CWC22: variants seen among roughly 807,000 people sequenced by gnomAD.
CWC22 encodes the protein pre-mRNA-splicing factor CWC22 homolog.
In CWC22, 53 loss-of-function variants were observed where a neutral mutation model predicts 117.2. That is an observed-to-expected ratio of 0.45 (90% CI 0.36 to 0.57). The LOEUF (loss-of-function observed/expected upper bound fraction) is 0.57, where lower values mean the gene tolerates loss of function less well. Among genes scored for constraint, CWC22 ranks in the 20% least tolerant of loss-of-function variants. The pLI is 0.00. For synonymous variants in CWC22, 360 were observed against 355.6 expected (o/e 1.01, Z -0.14); for missense variants, 980 against 1,068.8 (o/e 0.92, Z 1.16).
chr2:179,945,669 C>T lies in CWC22; in HGVS notation c.2187G>A (p.Glu729=). 6.2e-7 allele frequency: 1 copy of T among 1,608,764 alleles called. No homozygotes were observed. The highest frequency in any genetic ancestry group is 8.5e-7 in the Non-Finnish European group (1 of 1,179,066). The change falls in exon 20 of 20, where the codon GAG becomes GAA. Residue 729 remains glutamate (E), a synonymous_variant. Coordinates refer to ENST00000410053, the MANE Select transcript of CWC22 (RefSeq NM_020943.3). Reference sequence around the variant, plus strand: ...GCTGGTTTCTGATCAATTTATCTACCTCTTTACTTCTGGTCTTCCCATGTC... The same window carrying T: ...GCTGGTTTCTGATCAATTTATCTACTTCTTTACTTCTGGTCTTCCCATGTC... ...KKGHGKTRSK[E]VDKLIRNQQT...
intron 1 of CWC22, among the ~76,000 whole-genome samples, chr2:179,995,133 C>CA (rs1027279299): frequency 5.9e-5 from 9 of 151,986 alleles, no homozygotes; most frequent in African/African-American, 2.2e-4. Context: ...AACAAACAAA[C>CA]AAAAAAAGAT....
In CWC22 at chr2:179,966,067, T is replaced by C. The variant is rs1362865667; in HGVS notation, c.1211-85A>G. 22 of 1,073,224 alleles carry C rather than the reference T, an allele frequency of 2.0e-5. No homozygotes were observed. The Admixed American group carries it at 4.1e-4, about 20-fold the overall frequency. The allele number at this position is 1,073,224 out of a possible 1,614,324, so 66.5% of individuals were successfully genotyped here. A position where few individuals can be genotyped will look rare whatever the true frequency, so the allele number is the denominator to read the frequency against. On this transcript the variant is annotated intron_variant, in intron 11 of 19. Coordinates refer to ENST00000410053, the MANE Select transcript of CWC22 (RefSeq NM_020943.3). Reference sequence around the variant, plus strand: ...TCTAAGAAGATAAATTCTCAGTTCGTTGAAATCCACTGTGGTGTAACAGTT... The same window carrying C: ...TCTAAGAAGATAAATTCTCAGTTCGCTGAAATCCACTGTGGTGTAACAGTT...
chr2:179,963,123 G>A (rs1174021814), intron 13 of CWC22, among the ~76,000 whole-genome samples: 1 of 151,662 alleles, frequency 6.6e-6, no homozygotes, highest in Non-Finnish European at 1.5e-5. Flanking sequence ...TCAAGGTTAC[G>A]TTTCTTTTAA....
intron 11 of CWC22, among the ~76,000 whole-genome samples, chr2:179,968,657 TC>T (rs1686952966): frequency 6.6e-6 from 1 of 151,794 alleles, no homozygotes; most frequent in Non-Finnish European, 1.5e-5. Context: ...AACCTCCACC[TC>T]CCCAGTTCAA....
rs1304404124 is a variant in CWC22, at chr2:179,990,780, T to G, written c.28-2136A>C. Reference sequence around the variant, plus strand: ...AGGAAGAGACCAAAAATATTGAAGTTGTGAAGAAGGATTTCATAAATATGA... The same window carrying G: ...AGGAAGAGACCAAAAATATTGAAGTGGTGAAGAAGGATTTCATAAATATGA... On this transcript the variant is annotated intron_variant, in intron 2 of 19. Transcript: ENST00000410053. Among the ~76,000 whole-genome samples, 3 of 152,304 alleles carry G rather than the reference T, an allele frequency of 2.0e-5. No individual in the cohort carries two copies. In the South Asian group the frequency reaches 6.2e-4, roughly 32 times the overall value.
Position 179,964,556 on chromosome 2 carries a change from A to G in CWC22, c.1388T>C (p.Ile463Thr). 6.4e-7 allele frequency: 1 copy of G among 1,552,946 alleles called. No homozygotes were observed. Among genetic ancestry groups the G allele is most frequent in the Non-Finnish European group, 8.8e-7 (1 of 1,139,218 alleles). The part of the protein sequence containing the change: ...VSFRRTIYLA[I>T]QSSLDFEECA... ...AGATATGATGCCTTACCTTGACTGA[A>G]TAGCAAGATAAATTGTACGACGAAA... is the stretch of plus-strand genomic sequence containing the variant. The change falls in exon 13 of 20, where the codon ATT becomes ACT. Residue 463 changes from isoleucine to threonine, a missense_variant. By Grantham distance (89) the Ile-to-Thr change is moderately conservative. Coordinates refer to ENST00000410053, the MANE Select transcript of CWC22 (RefSeq NM_020943.3).
At chr2:179,959,887 G>A (rs58024677) in intron 13 of CWC22, among the ~76,000 whole-genome samples, 2,870 of 152,088 alleles carry the variant, frequency 0.019, 100 homozygotes, top group African/African-American at 0.065. Flanking sequence ...CATAGCATGT[G>A]AATAACATCT....
chr2:179,958,244 T>C (rs1028917122), intron 14 of CWC22, among the ~76,000 whole-genome samples: 3 of 150,042 alleles, frequency 2.0e-5, no homozygotes, highest in Admixed American at 6.7e-5. Context: ...GGCAGGAGAA[T>C]TGCTTGAACC....
At chr2:179,959,118 A>G in intron 13 of CWC22, 36 bp from the exon 14 acceptor site, 1 of 1,276,912 alleles carries the variant, frequency 7.8e-7, no homozygotes, top group Non-Finnish European at 1.1e-6. Flanking sequence ...AAAGCTTGCA[A>G]CATAGACTGT....
At chr2:180,001,295 TG>T (rs1156447416) in intron 1 of CWC22, among the ~76,000 whole-genome samples, 4 of 152,106 alleles carry the variant, frequency 2.6e-5, no homozygotes, top group African/African-American at 9.7e-5. Flanking sequence ...TTTTGTGATA[TG>T]TAAGTTCACA....
At chr2:179,973,103 A>C in intron 8 of CWC22, 90 bp downstream of exon 8, 1 of 691,196 alleles carries the variant, frequency 1.4e-6, no homozygotes, top group Non-Finnish European at 2.4e-6. Flanking sequence ...CTATAAAGCA[A>C]AGCAAAAATA....
rs751440645 is a variant in CWC22 at position 179,965,974 on chromosome 2, C to T, written c.1219G>A (p.Asp407Asn). ...KYKAIKKEIL[D>N]EGDTDSNTDQ... ...GTGTTCGAGTCAGTATCTCCCTCAT[C>T]AAGAATTTCTGTAAAGTACAAAGTA... The change falls in exon 12 of 20, where the codon GAT becomes AAT. Residue 407 changes from aspartate (D) to asparagine (N), a missense_variant. Around this residue, in one of 3 missense-constraint regions of CWC22, gnomAD observed 559 missense variants for 602.3 expected, o/e 0.93. Coordinates refer to ENST00000410053, the MANE Select transcript of CWC22 (RefSeq NM_020943.3). 3.1e-6 allele frequency: 5 copies of T among 1,609,320 alleles called. No homozygotes were observed. In the Admixed American group the frequency reaches 8.4e-5, roughly 27 times the overall value.
At chr2:179,978,784 C>T (rs1472432891) in intron 5 of CWC22, among the ~76,000 whole-genome samples, 1 of 151,864 alleles carries the variant, frequency 6.6e-6, no homozygotes, top group Non-Finnish European at 1.5e-5. Flanking sequence ...ATGACAGAGA[C>T]AACAAAATTA....
At chr2:179,957,548 A>G (rs1045910984) in intron 14 of CWC22, among the ~76,000 whole-genome samples, 5 of 152,182 alleles carry the variant, frequency 3.3e-5, no homozygotes, top group Non-Finnish European at 7.4e-5. Context: ...ATTCATAAAA[A>G]CAGGCAGCAG....
At chr2:179,987,460 C>CTG (rs146325376) in intron 3 of CWC22, among the ~76,000 whole-genome samples, 21 of 151,284 alleles carry the variant, frequency 1.4e-4, no homozygotes, top group Admixed American at 4.0e-4. Flanking sequence ...ACACAAATAC[C>CTG]TGTGTGTGTG....
intron 13 of CWC22, among the ~76,000 whole-genome samples, chr2:179,963,582 T>C (rs1315547260): frequency 6.6e-6 from 1 of 151,854 alleles, no homozygotes; most frequent in Admixed American, 6.6e-5. Context: ...GACCTCGTGA[T>C]CCGCCCGCCT....
At chr2:179,951,184 T>C (rs1446303344) in intron 17 of CWC22, among the ~76,000 whole-genome samples, 1 of 151,872 alleles carries the variant, frequency 6.6e-6, no homozygotes, top group Non-Finnish European at 1.5e-5. Context: ...CACACACACA[T>C]ATAGAAAGAT....
intron 4 of CWC22, among the ~76,000 whole-genome samples, chr2:179,986,436 T>C (rs528432396): frequency 6.6e-6 from 1 of 152,284 alleles, no homozygotes; most frequent in Admixed American, 6.5e-5. Flanking sequence ...TTGCCACTAT[T>C]ATGTTTCAAA....
In CWC22 at chr2:179,996,939, A is replaced by G. The variant is rs560637535; in HGVS notation, c.-113-3485T>C. Among the ~76,000 whole-genome samples, 3 of 152,268 alleles carry G rather than the reference A, an allele frequency of 2.0e-5. No individual in the cohort carries two copies. The East Asian group carries it at 5.8e-4, about 29-fold the overall frequency. Reference sequence around the variant, plus strand: ...AACAACAACTAAGAGAAAGAAACTAAGAGAATTTATCACCAGCAGACCTGC... The same window carrying G: ...AACAACAACTAAGAGAAAGAAACTAGGAGAATTTATCACCAGCAGACCTGC... On this transcript the variant is annotated intron_variant, in intron 1 of 19. Transcript: ENST00000410053.
Sources: gnomAD v4.1 joint callset for allele counts (sites outside exome capture counted in the v4.1 genomes callset) on GRCh38, gnomAD v4.1.1 for gene constraint, gnomAD v4.1.1 regional missense constraint, MANE v1.5 for transcripts, NCBI Gene and HGNC (gene_info 2026-07-23, HGNC 2026-07-21) for gene names.